Variants in PRIMA1 observed in about 807,000 individuals in gnomAD.
PRIMA1 encodes proline rich membrane anchor 1, also known as proline-rich membrane anchor 1.
A neutral mutation model predicts 17.5 loss-of-function variants in PRIMA1; 7 were observed. The observed-to-expected ratio is 0.40, with a 90% CI of 0.23 to 0.75. The LOEUF is 0.75. Among genes scored for constraint, PRIMA1 ranks in the 30% least tolerant of loss-of-function variants. PRIMA1 has a pLI of 0.37. For synonymous variants in PRIMA1, 97 were observed against 77.9 expected (o/e 1.25, Z -1.29); for missense variants, 200 against 201.8 (o/e 0.99, Z 0.05).
intron 3 of PRIMA1, among the ~76,000 whole-genome samples, chr14:93,751,993 C>T (rs1011230144): frequency 2.0e-5 from 3 of 152,170 alleles, no homozygotes; most frequent in South Asian, 2.1e-4. Context: ...GCTACTATTT[C>T]GCACAGCACA....
intron 3 of PRIMA1, among the ~76,000 whole-genome samples, chr14:93,747,551 TGA>T (rs914580042): frequency 1.5e-4 from 22 of 151,514 alleles, no homozygotes; most frequent in African/African-American, 4.6e-4. Flanking sequence ...TGTGAGTGTG[TGA>T]GAGTGTGAGT....
At chr14:93,772,961 C>CT (rs538431306) in intron 3 of PRIMA1, among the ~76,000 whole-genome samples, 209 of 152,286 alleles carry the variant, frequency 1.4e-3, no homozygotes, top group South Asian at 2.5e-3. Context: ...GGGTTCCAGG[C>CT]TCTGTGCTGT....
Position 93,737,285 on chromosome 14 carries a change from C to T in PRIMA1, c.315G>A (p.Val105=), listed in dbSNP as rs369364290. 2 of 1,614,176 alleles carry T rather than the reference C, an allele frequency of 1.2e-6. No individual in the cohort carries two copies. The highest frequency in any genetic ancestry group is 1.7e-6 in the Non-Finnish European group (2 of 1,180,044). Residue 105 remains valine, a synonymous_variant, in exon 4 of 5, where the codon GTG becomes GTA. Coordinates refer to ENST00000393140, the MANE Select transcript of PRIMA1 (RefSeq NM_178013.4). ...AAATGATGACAAGCACAGTCAGAAACACCAGGGAGGCACAGCATACGGCAA... is the reference window on the plus strand; with the variant it reads ...AAATGATGACAAGCACAGTCAGAAATACCAGGGAGGCACAGCATACGGCAA... ...IIIAVCCASL[V]FLTVLVIICY... is the part of the protein sequence containing the mutation.
chr14:93,760,438 TG>T (rs1402549523), intron 3 of PRIMA1, among the ~76,000 whole-genome samples: 1 of 152,062 alleles, frequency 6.6e-6, no homozygotes, highest in African/African-American at 2.4e-5. Context: ...TTCTTCTACC[TG>T]GAGCATCTCC....
Position 93,779,239 on chromosome 14 carries a change from G to GGGGGGGGGGGGGGGGGGGGGGGGGGC in PRIMA1, c.165_166insGCCCCCCCCCCCCCCCCCCCCCCCCC (p.Pro56AlafsTer48). On this transcript the variant is annotated frameshift_variant, in exon 3 of 5. Coordinates refer to ENST00000393140, the MANE Select transcript of PRIMA1 (RefSeq NM_178013.4). LOFTEE classifies it high-confidence loss of function. ...GGCGGCGGGGGCAGCGGGGGAGGGG[G>GGGGGGGGGGGGGGGGGGGGGGGGGGC]CCGGCACTGGCAGACGTGTCGGCAG... The GGGGGGGGGGGGGGGGGGGGGGGGGGC allele has an allele frequency of 6.8e-7, 1 of 1,462,266 alleles. No individual in the cohort carries two copies. Among genetic ancestry groups the GGGGGGGGGGGGGGGGGGGGGGGGGGC allele is most frequent in the Admixed American group, 2.3e-5 (1 of 42,616 alleles). 90.6% of individuals were successfully genotyped at this position (1,462,266 alleles called of 1,614,324 possible).
Position 93,784,454 on chromosome 14 carries a change from C to G in PRIMA1, c.93+3172G>C, listed in dbSNP as rs530568725. 3.3e-5 allele frequency among the ~76,000 whole-genome samples: 5 copies of G among 152,296 alleles called. No homozygotes were observed. The East Asian group carries it at 9.7e-4, about 29-fold the overall frequency. ...AAGTGTTGGGATTACAGGTGTGAGC[C>G]ACTGCAACCAGCCTGGACTGAGATT... On this transcript the variant is annotated intron_variant, in intron 2 of 4. Transcript: ENST00000393140.
intron 3 of PRIMA1, among the ~76,000 whole-genome samples, chr14:93,777,687 T>A (rs537539473): frequency 1.3e-5 from 2 of 152,328 alleles, no homozygotes; most frequent in East Asian, 3.9e-4. Flanking sequence ...GGCTACTGTT[T>A]TGCTTAACTA....
intron 4 of PRIMA1, among the ~76,000 whole-genome samples, chr14:93,729,377 T>C (rs923271521): frequency 6.6e-6 from 1 of 152,104 alleles, no homozygotes; most frequent in African/African-American, 2.4e-5. Context: ...GGTACGCATG[T>C]GAACAGCAGG....
intron 3 of PRIMA1, among the ~76,000 whole-genome samples, chr14:93,757,869 G>GA (rs1414351346): frequency 6.6e-6 from 1 of 152,226 alleles, no homozygotes; most frequent in Non-Finnish European, 1.5e-5. Flanking sequence ...GTGTGTGAAG[G>GA]AGGGAGCCTC....
At chr14:93,765,145 T>C (rs887081562) in intron 3 of PRIMA1, among the ~76,000 whole-genome samples, 6 of 152,014 alleles carry the variant, frequency 3.9e-5, no homozygotes, top group Non-Finnish European at 7.4e-5. Flanking sequence ...CAGCATCTGT[T>C]CCTGGAGAAA....
At chr14:93,787,972 C>G (rs1342446296) in intron 1 of PRIMA1, among the ~76,000 whole-genome samples, 1 of 152,194 alleles carries the variant, frequency 6.6e-6, no homozygotes, top group African/African-American at 2.4e-5. Flanking sequence ...CCCGCGTGTA[C>G]ACTTTAGCTC....
At chr14:93,777,831 T>C (rs1885265199) in intron 3 of PRIMA1, among the ~76,000 whole-genome samples, 1 of 152,186 alleles carries the variant, frequency 6.6e-6, no homozygotes, top group Non-Finnish European at 1.5e-5. Flanking sequence ...CTCCTCTGTC[T>C]GACACAGATG....
At chr14:93,741,737 G>C (rs1464501439) in intron 3 of PRIMA1, among the ~76,000 whole-genome samples, 1 of 152,194 alleles carries the variant, frequency 6.6e-6, no homozygotes, top group African/African-American at 2.4e-5. Context: ...GTGAGAGACA[G>C]GTGGTCAGAC....
intron 3 of PRIMA1, among the ~76,000 whole-genome samples, chr14:93,762,106 G>A (rs1884750255): frequency 6.6e-6 from 1 of 152,152 alleles, no homozygotes; most frequent in South Asian, 2.1e-4. Context: ...AGCCCAGGAG[G>A]CAGCTTGGGG....
At chr14:93,760,294 G>C (rs1011774636) in intron 3 of PRIMA1, among the ~76,000 whole-genome samples, 1 of 152,128 alleles carries the variant, frequency 6.6e-6, no homozygotes, top group Non-Finnish European at 1.5e-5. Flanking sequence ...GAAACCTTTA[G>C]ATCTTCCAGA....
At chr14:93,769,702 C>A (rs967126932) in intron 3 of PRIMA1, among the ~76,000 whole-genome samples, 1 of 152,190 alleles carries the variant, frequency 6.6e-6, no homozygotes, top group Non-Finnish European at 1.5e-5. Context: ...ACCCACCAGG[C>A]CTGGACCTCC....
At chr14:93,749,746 A>AT (rs2076248702) in intron 3 of PRIMA1, among the ~76,000 whole-genome samples, 1 of 152,236 alleles carries the variant, frequency 6.6e-6, no homozygotes, top group African/African-American at 2.4e-5. Flanking sequence ...GGGGCACTTA[A>AT]TTAACAGGTG....
At chr14:93,734,148 C>T (rs2076133457) in intron 4 of PRIMA1, among the ~76,000 whole-genome samples, 1 of 152,216 alleles carries the variant, frequency 6.6e-6, no homozygotes. Flanking sequence ...GGGTCCTATT[C>T]CTCGGTGTCC....
rs768959240 is a variant in PRIMA1, at chr14:93,726,329, T to C, written c.360-4783A>G. 6.6e-6 allele frequency among the ~76,000 whole-genome samples: 1 copy of C among 152,124 alleles called. No homozygotes were observed. The highest frequency in any genetic ancestry group is 1.5e-5 in the Non-Finnish European group (1 of 68,006). On this transcript the variant is annotated intron_variant, in intron 4 of 4. Coordinates refer to ENST00000393140, the MANE Select transcript of PRIMA1 (RefSeq NM_178013.4). The surrounding 1 kb of genome is among the most constrained non-coding windows in gnomAD (Gnocchi z 4.2). ...CGCTCAGCCTGCTGCTCTGTGGGGA[T>C]GGAGGAGATGGAGGCAAAGAACAAC... is the stretch of plus-strand genomic sequence containing the variant.
Sources: allele counts gnomAD v4.1 joint callset (sites outside exome capture counted in the v4.1 genomes callset), GRCh38; gene constraint gnomAD v4.1.1; non-coding constraint Gnocchi (gnomAD v3.1); transcripts MANE v1.5; gene names NCBI Gene and HGNC (gene_info 2026-07-23, HGNC 2026-07-21).